Variants in SAFB observed in about 807,000 individuals in gnomAD.
The protein encoded by SAFB is scaffold attachment factor B.
Under a neutral mutation model 101.6 loss-of-function variants are expected in SAFB, and 15 were observed. The ratio of observed to expected loss-of-function variants is 0.15; its 90% confidence interval spans 0.10 to 0.23. The LOEUF is 0.23. Among genes scored for constraint, SAFB ranks in the 10% least tolerant of loss-of-function variants. The pLI is 1.00. For synonymous variants in SAFB, 449 were observed against 407.5 expected, an observed-to-expected ratio of 1.10 and a Z score of -1.23; for missense variants, 930 against 1,104.1, an observed-to-expected ratio of 0.84 and a Z score of 2.23.
intron 2 of SAFB, among the ~76,000 whole-genome samples, chr19:5,628,154 G>C (rs2053408942): frequency 6.6e-6 from 1 of 152,144 alleles, no homozygotes; most frequent in Non-Finnish European, 1.5e-5. Context: ...AGGAGGCTGA[G>C]GCAGGAGAAT....
chr19:5,644,383 TCAAA>T (rs1034868321), intron 4 of SAFB, among the ~76,000 whole-genome samples: 1 of 152,198 alleles, frequency 6.6e-6, no homozygotes, highest in African/African-American at 2.4e-5. Context: ...CTGTGTGAAC[TCAAA>T]CAATCTCCAA....
At chr19:5,635,812 CT>C (rs2053583399) in intron 2 of SAFB, among the ~76,000 whole-genome samples, 1 of 152,072 alleles carries the variant, frequency 6.6e-6, no homozygotes, top group African/African-American at 2.4e-5. Flanking sequence ...AGACCACAAA[CT>C]AGGGTGAAGA....
At chr19:5,642,192 A>G in intron 4 of SAFB, 1 of 547,948 alleles carries the variant, frequency 1.8e-6, no homozygotes, top group South Asian at 1.7e-5. Flanking sequence ...ACAACCATTC[A>G]GACTCTTCCT....
rs748514442 is a variant in SAFB at position 5,667,869 on chromosome 19, C to T, written c.2607C>T (p.Asn869=). 20 of 1,609,496 alleles carry T rather than the reference C, an allele frequency of 1.2e-5. No homozygotes were observed. Among genetic ancestry groups the T allele is most frequent in the Non-Finnish European group, 1.4e-5 (17 of 1,177,972 alleles). Residue 869 remains asparagine (N), a synonymous_variant, in exon 20 of 21, where the codon AAC becomes AAT. Transcript: ENST00000588852. The surrounding 1 kb of genome is among the most constrained non-coding windows in gnomAD (Gnocchi z 4.0). ...ACTCCGGGCCTGGCCACATGATGAA[C>T]CGAGGAGGAATGTCAGGGTAAGGCA... is the stretch of plus-strand genomic sequence containing the variant. ...SGHSGPGHMM[N]RGGMSGRGSF... is the part of the protein sequence containing the mutation.
rs72979008 is a variant in SAFB, at chr19:5,632,830, T to C, written c.274+6341T>C. Among the ~76,000 whole-genome samples, 1,109 of 152,264 alleles carry C rather than the reference T, an allele frequency of 7.3e-3. 9 individuals are homozygous for C. The highest frequency in any genetic ancestry group is 0.012 in the Admixed American group (180 of 15,298). ...GTAGGTCACTGCAACCCTGAATTGC[T>C]GTGCTCAAGCGATCCTCCCACCTTG... On this transcript the variant is annotated intron_variant, in intron 2 of 20. Coordinates refer to ENST00000588852, the MANE Select transcript of SAFB (RefSeq NM_001201338.2).
chr19:5,663,432 A>G (rs1312634896), intron 15 of SAFB, among the ~76,000 whole-genome samples: 2 of 152,272 alleles, frequency 1.3e-5, no homozygotes, highest in African/African-American at 4.8e-5. Flanking sequence ...GTGCACTGCA[A>G]CCTGGCAAAA....
Position 5,668,012 on chromosome 19 carries a change from T to A in SAFB, c.2624+126T>A, listed in dbSNP as rs546317881. Reference sequence around the variant, plus strand: ...CCCAAGGGTGACGTGAGGCCAGGCATGGGGTACTGTGGAGGCTGCTGCCAC... The same window carrying A: ...CCCAAGGGTGACGTGAGGCCAGGCAAGGGGTACTGTGGAGGCTGCTGCCAC... On this transcript the variant is annotated intron_variant, in intron 20 of 20. Coordinates refer to ENST00000588852, the MANE Select transcript of SAFB (RefSeq NM_001201338.2). The A allele has an allele frequency of 2.9e-6, 4 of 1,399,924 alleles. No individual in the cohort carries two copies. The East Asian group carries it at 9.3e-5, about 33-fold the overall frequency. 86.7% of individuals were successfully genotyped at this position (1,399,924 alleles called of 1,614,324 possible). A position where few individuals can be genotyped will look rare whatever the true frequency, so the allele number is the denominator to read the frequency against.
chr19:5,645,945 C>T (rs1163155655), intron 5 of SAFB, among the ~76,000 whole-genome samples: 2 of 152,052 alleles, frequency 1.3e-5, no homozygotes, highest in East Asian at 3.9e-4. Flanking sequence ...ACTGTATCAT[C>T]CTACCTGTTT....
Position 5,654,175 on chromosome 19 carries a change from A to C in SAFB, c.1641A>C (p.Ser547=), listed in dbSNP as rs919921260. The C allele has an allele frequency of 3.1e-6, 5 of 1,614,132 alleles. No individual in the cohort carries two copies. The highest frequency in any genetic ancestry group is 4.2e-6 in the Non-Finnish European group (5 of 1,180,050). Residue 547 remains serine (S), a synonymous_variant, in exon 12 of 21, where the codon TCA becomes TCC. Coordinates refer to ENST00000588852, the MANE Select transcript of SAFB (RefSeq NM_001201338.2). ...KDQDDQKPGP[S]ERSRATKSGS... Reference sequence around the variant, plus strand: ...AAGATGATCAGAAACCTGGCCCCTCAGAGCGATCTCGAGCCACAAAGTCAG... The same window carrying C: ...AAGATGATCAGAAACCTGGCCCCTCCGAGCGATCTCGAGCCACAAAGTCAG...
chr19:5,668,317 C>T lies in SAFB; in HGVS notation c.*26C>T, dbSNP rs747162969. On this transcript the variant is annotated 3_prime_UTR_variant, in exon 21 of 21. Coordinates refer to ENST00000588852, the MANE Select transcript of SAFB (RefSeq NM_001201338.2). Reference sequence around the variant, plus strand: ...GTACTTGGAATCCTGTGTCCTGTCTCGTGGCAACAAGGCTATGTTCTGTTA... The same window carrying T: ...GTACTTGGAATCCTGTGTCCTGTCTTGTGGCAACAAGGCTATGTTCTGTTA... 1.1e-5 allele frequency: 18 copies of T among 1,603,440 alleles called. No individual in the cohort carries two copies. Among genetic ancestry groups the T allele is most frequent in the East Asian group, 6.7e-5 (3 of 44,494 alleles).
chr19:5,665,524 G>A (rs2054309159), intron 17 of SAFB: 2 of 151,448 alleles, frequency 1.3e-5, no homozygotes, highest in African/African-American at 2.4e-5. Context: ...TAATAGAGAC[G>A]GGATCTCACT....
intron 2 of SAFB, among the ~76,000 whole-genome samples, chr19:5,638,919 GC>G (rs755263285): frequency 1.3e-4 from 19 of 150,348 alleles, no homozygotes; most frequent in Non-Finnish European, 2.5e-4. Flanking sequence ...ACGCGGTTTT[GC>G]CATGTTGGCC....
intron 1 of SAFB, among the ~76,000 whole-genome samples, chr19:5,626,065 T>C (rs911868342): frequency 6.6e-6 from 1 of 152,246 alleles, no homozygotes; most frequent in African/African-American, 2.4e-5. Context: ...ATAAGCCTAC[T>C]GTTTGTTGAG....
intron 17 of SAFB, chr19:5,666,272 C>T (rs574323286): frequency 6.6e-6 from 1 of 152,308 alleles, no homozygotes; most frequent in South Asian, 2.1e-4. Flanking sequence ...AAATATTAAC[C>T]TTGGCCATCA....
intron 5 of SAFB, 100 bp from the exon 6 acceptor site, chr19:5,647,916 G>C (rs1244549225): frequency 8.9e-7 from 1 of 1,128,094 alleles, no homozygotes; most frequent in East Asian, 2.4e-5. Flanking sequence ...TTCCCTCCCT[G>C]GATTTTTAAA....
At chr19:5,652,388 CTG>C (rs1468110265) in intron 9 of SAFB, among the ~76,000 whole-genome samples, 1 of 152,118 alleles carries the variant, frequency 6.6e-6, no homozygotes, top group African/African-American at 2.4e-5. Flanking sequence ...GCCCTGGAGA[CTG>C]TAGTGTCTTG....
Position 5,661,621 on chromosome 19 carries a change from C to T in SAFB, c.1966C>T (p.Arg656Cys), listed in dbSNP as rs1323492285. The change falls in exon 15 of 21, where the codon CGC becomes TGC. Residue 656 changes from arginine (R) to cysteine (C), a missense_variant. Coordinates refer to ENST00000588852, the MANE Select transcript of SAFB (RefSeq NM_001201338.2). ...TGCCCGAGAGAGGCTGGCCTTCCAG[C>T]GCCAGCGGCTGGAGCGGGAGCGCAT... ...EIARERLAFQ[R>C]QRLERERMER... 3 of 1,612,668 alleles carry T rather than the reference C, an allele frequency of 1.9e-6. No homozygotes were observed. Among genetic ancestry groups the T allele is most frequent in the East Asian group, 2.2e-5 (1 of 44,876 alleles).
intron 4 of SAFB, 121 bp from the exon 5 acceptor site, chr19:5,645,216 C>T: frequency 1.8e-6 from 1 of 561,926 alleles, no homozygotes; most frequent in Non-Finnish European, 3.2e-6. Context: ...GATTTCTGCC[C>T]TGGGTTTAAA....
At chr19:5,628,626 A>G (rs1291162396) in intron 2 of SAFB, among the ~76,000 whole-genome samples, 1 of 152,224 alleles carries the variant, frequency 6.6e-6, no homozygotes, top group Non-Finnish European at 1.5e-5. Flanking sequence ...GCCCAAAACT[A>G]AATGAGATAA....
Sources: gnomAD v4.1 joint callset for allele counts (sites outside exome capture counted in the v4.1 genomes callset) on GRCh38, gnomAD v4.1.1 for gene constraint, Gnocchi (gnomAD v3.1) non-coding constraint, MANE v1.5 for transcripts, NCBI Gene and HGNC (gene_info 2026-07-23, HGNC 2026-07-21) for gene names.